BIRC6: variants seen among roughly 807,000 people sequenced by gnomAD.
BIRC6 encodes baculoviral IAP repeat containing 6, also known as dual E2 ubiquitin-conjugating enzyme/E3 ubiquitin-protein ligase BIRC6.
A neutral mutation model predicts 503.3 loss-of-function variants in BIRC6; 98 were observed. That is an observed-to-expected ratio of 0.19 (90% CI 0.17 to 0.23). The LOEUF is 0.23. Among genes scored for constraint, BIRC6 ranks in the 10% least tolerant of loss-of-function variants. The pLI is 1.00. For synonymous variants in BIRC6, 2,240 were observed against 2,078.7 expected, an observed-to-expected ratio of 1.08 and a Z score of -2.11; for missense variants, 5,360 against 5,806.0, an observed-to-expected ratio of 0.92 and a Z score of 2.50.
chr2:32,455,442 G>A (rs1434230040), intron 23 of BIRC6, among the ~76,000 whole-genome samples: 1 of 148,822 alleles, frequency 6.7e-6, no homozygotes, highest in Non-Finnish European at 1.5e-5. Context: ...TCAACATGGC[G>A]AAACCTCGTC....
chr2:32,581,385 G>A (rs1387913046), intron 66 of BIRC6, among the ~76,000 whole-genome samples: 2 of 152,122 alleles, frequency 1.3e-5, no homozygotes, highest in East Asian at 3.9e-4. Context: ...AATTTTCTTG[G>A]TAGAAATTCT....
At chr2:32,532,380 T>C in intron 61 of BIRC6, 1 of 410,610 alleles carries the variant, frequency 2.4e-6, no homozygotes, top group Non-Finnish European at 4.9e-6. Context: ...CTGGCTTCTA[T>C]TGGTTGCCAG....
At chr2:32,367,492 C>A (rs910111597) in intron 1 of BIRC6, among the ~76,000 whole-genome samples, 10 of 151,218 alleles carry the variant, frequency 6.6e-5, no homozygotes, top group Non-Finnish European at 1.2e-4. Flanking sequence ...CGAAAAACAA[C>A]AAAACAGTCT....
chr2:32,541,407 G>T (rs1454968708), intron 61 of BIRC6, among the ~76,000 whole-genome samples: 2 of 152,022 alleles, frequency 1.3e-5, no homozygotes, highest in East Asian at 3.9e-4. Flanking sequence ...TGTAGCCGTA[G>T]ATCAACTTAA....
chr2:32,378,830 T>C (rs1047449177), intron 2 of BIRC6: 1 of 152,228 alleles, frequency 6.6e-6, no homozygotes, highest in African/African-American at 2.4e-5. Context: ...ATATATACTT[T>C]TCTGTAGTGT....
intron 57 of BIRC6, 74 bp downstream of exon 57, chr2:32,519,020 C>G (rs1481120405): frequency 7.1e-7 from 1 of 1,407,250 alleles, no homozygotes; most frequent in Non-Finnish European, 9.7e-7. Context: ...GTTTTTATAA[C>G]TTTATTTTCT....
At chr2:32,427,264 C>T (rs141725724) in intron 10 of BIRC6, among the ~76,000 whole-genome samples, 182 of 151,268 alleles carry the variant, frequency 1.2e-3, no homozygotes, top group African/African-American at 3.9e-3. Context: ...GGTCTCCAAG[C>T]TTCTTTTAAT....
chr2:32,459,998 G>T (rs955925594), intron 23 of BIRC6, among the ~76,000 whole-genome samples: 3 of 150,006 alleles, frequency 2.0e-5, no homozygotes, highest in African/African-American at 7.3e-5. Context: ...CAATCATGTT[G>T]TCTATTAATA....
At position 32,608,373 on chromosome 2, in the gene BIRC6, T is replaced by TTTTCC. The variant is rs1432999651; in HGVS notation, c.14259+744_14259+748dup. Among the ~76,000 whole-genome samples the TTTTCC allele has an allele frequency of 3.3e-5, 5 of 152,202 alleles. No individual in the cohort carries two copies. In the South Asian group the frequency reaches 6.2e-4, roughly 19 times the overall value. Reference sequence around the variant, plus strand: ...ATCTGACTAAATTTTTGAGAAGTTTTTTTCCTTTCCTTTCCTTTTCCTCTC... The same window carrying TTTTCC: ...ATCTGACTAAATTTTTGAGAAGTTTTTTTCCTTTCCTTTCCTTTCCTTTTCCTCTC... On this transcript the variant is annotated intron_variant, in intron 72 of 73. Transcript: ENST00000421745.
chr2:32,485,639 G>A lies in BIRC6; in HGVS notation c.7697-4G>A. On this transcript the variant is annotated splice_region_variant and splice_polypyrimidine_tract_variant and intron_variant, in intron 39 of 73. Coordinates refer to ENST00000421745, the MANE Select transcript of BIRC6 (RefSeq NM_016252.4). ...TTTCTTTTTCTTTCAATTGCTTTTTGTAGCCCTGGATGCTCGCCTAGAAGT... is the reference window on the plus strand; with the variant it reads ...TTTCTTTTTCTTTCAATTGCTTTTTATAGCCCTGGATGCTCGCCTAGAAGT... The A allele has an allele frequency of 6.3e-7, 1 of 1,594,164 alleles. No homozygotes were observed. The highest frequency in any genetic ancestry group is 8.6e-7 in the Non-Finnish European group (1 of 1,164,804).
intron 66 of BIRC6, among the ~76,000 whole-genome samples, chr2:32,587,173 G>A (rs1010262123): frequency 6.6e-6 from 1 of 152,204 alleles, no homozygotes; most frequent in Non-Finnish European, 1.5e-5. Context: ...CAGATCATGA[G>A]GTCAGGAGAT....
At position 32,461,077 on chromosome 2, in the gene BIRC6, C is replaced by G. The variant is rs1436263621; in HGVS notation, c.4754-2117C>G. ...CTTCTCTTCTCTTCTGTTCTCCTCTCCTCTCCTCTCCTCTCCTCTCCTCTC... is the reference window on the plus strand; with the variant it reads ...CTTCTCTTCTCTTCTGTTCTCCTCTGCTCTCCTCTCCTCTCCTCTCCTCTC... On this transcript the variant is annotated intron_variant, in intron 23 of 73. Transcript: ENST00000421745. Among the ~76,000 whole-genome samples, 18 of 4,710 alleles carry G rather than the reference C, an allele frequency of 3.8e-3. 1 individual carries two copies. The highest frequency in any genetic ancestry group is 4.7e-3 in the Admixed American group (3 of 642). The allele number at this position is 4,710 out of a possible 152,430, so 3.1% of individuals were successfully genotyped here. A position where few individuals can be genotyped will look rare whatever the true frequency, so the allele number is the denominator to read the frequency against.
rs1212914710 is a variant in BIRC6, at chr2:32,490,130, A to G, written c.8185A>G (p.Met2729Val). The G allele has an allele frequency of 1.2e-6, 2 of 1,607,752 alleles. No individual in the cohort carries two copies. The highest frequency in any genetic ancestry group is 1.7e-5 in the Admixed American group (1 of 60,014). ...WCLVLHSLTLMTNMQLNSGSS... is the reference protein window; with the variant it reads ...WCLVLHSLTLVTNMQLNSGSS... ...CCTTGTGCTTCATAGCCTAACACTCATGACAAACATGCAGCTTAATTGTAA... is the reference window on the plus strand; with the variant it reads ...CCTTGTGCTTCATAGCCTAACACTCGTGACAAACATGCAGCTTAATTGTAA... Residue 2729 changes from methionine (M) to valine (V), a missense_variant, in exon 43 of 74, where the codon ATG becomes GTG. By Grantham distance (21) the Met-to-Val change is conservative. Coordinates refer to ENST00000421745, the MANE Select transcript of BIRC6 (RefSeq NM_016252.4).
At chr2:32,570,392 C>A (rs139098052) in intron 65 of BIRC6, among the ~76,000 whole-genome samples, 2,960 of 152,246 alleles carry the variant, frequency 0.019, 39 homozygotes, top group South Asian at 0.057. Context: ...CCATGTTGGT[C>A]AGGCTGGTCT....
intron 49 of BIRC6, among the ~76,000 whole-genome samples, chr2:32,504,703 A>T (rs534986879): frequency 2.6e-5 from 4 of 151,912 alleles, no homozygotes; most frequent in African/African-American, 7.2e-5. Context: ...AATAAAAAAA[A>T]TTTAAAAAAA....
chr2:32,461,589 GT>G (rs202245830), intron 23 of BIRC6, among the ~76,000 whole-genome samples: 633 of 141,608 alleles, frequency 4.5e-3, no homozygotes, highest in African/African-American at 7.9e-3. Context: ...AATGAGTGGT[GT>G]TTTTTTTTTT....
intron 46 of BIRC6, among the ~76,000 whole-genome samples, chr2:32,501,287 C>A (rs768563266): frequency 2.0e-5 from 3 of 152,138 alleles, no homozygotes; most frequent in African/African-American, 4.8e-5. Context: ...GCTGGTATCA[C>A]ATATTTTTCT....
Position 32,388,735 on chromosome 2 carries a change from C to T in BIRC6, c.646-15C>T. ...GAGTACATTTTCCTTTGCTTATACT[C>T]CCATTTTCTTTCAGTGGGCCACAGT... is the stretch of plus-strand genomic sequence containing the variant. On this transcript the variant is annotated splice_polypyrimidine_tract_variant and intron_variant, in intron 3 of 73. Transcript: ENST00000421745. 6.4e-7 allele frequency: 1 copy of T among 1,561,276 alleles called. No homozygotes were observed. The highest frequency in any genetic ancestry group is 8.7e-7 in the Non-Finnish European group (1 of 1,152,920).
In BIRC6 at chr2:32,618,076, G is replaced by C. The variant is rs987200362; in HGVS notation, c.*172G>C. 8 of 586,196 alleles carry C rather than the reference G, an allele frequency of 1.4e-5. No homozygotes were observed. Among genetic ancestry groups the C allele is most frequent in the African/African-American group, 1.3e-4 (7 of 54,408 alleles). The allele number at this position is 586,196 out of a possible 1,614,324, so 36.3% of individuals were successfully genotyped here. A position where few individuals can be genotyped will look rare whatever the true frequency, so the allele number is the denominator to read the frequency against. ...TGATCTTTTATTTACCTGTACAGGA[G>C]TGTAAACTTTTTTGTGCTTTTATTT... On this transcript the variant is annotated 3_prime_UTR_variant, in exon 74 of 74. Transcript: ENST00000421745.
Sources: gnomAD v4.1 joint callset for allele counts (sites outside exome capture counted in the v4.1 genomes callset) on GRCh38, gnomAD v4.1.1 for gene constraint, MANE v1.5 for transcripts, NCBI Gene and HGNC (gene_info 2026-07-23, HGNC 2026-07-21) for gene names.